ACTR3C: variants seen among roughly 807,000 people sequenced by gnomAD.
ACTR3C encodes actin related protein 3C.
A neutral mutation model predicts 26.3 loss-of-function variants in ACTR3C; 18 were observed. The observed-to-expected ratio is 0.68, with a 90% CI of 0.47 to 1.01. The LOEUF (loss-of-function observed/expected upper bound fraction) is 1.01, where lower values mean the gene tolerates loss of function less well. Ranked by LOEUF, ACTR3C falls within the 50% of genes least tolerant of loss-of-function variation. The pLI is 0.00. For missense variants in ACTR3C, 184 were observed against 250.7 expected (o/e 0.73, Z 1.80); for synonymous variants, 55 against 94.5 (o/e 0.58, Z 2.42).
At chr7:150,309,349 C>T (rs1796084858) in intron 1 of ACTR3C, among the ~76,000 whole-genome samples, 1 of 152,180 alleles carries the variant, frequency 6.6e-6, no homozygotes. Flanking sequence ...ATCTTATTCT[C>T]AATATGTGTT....
At chr7:150,192,477 T>C in the ACTR3C span, among the ~76,000 whole-genome samples, 1 of 152,060 alleles carries the variant, frequency 6.6e-6, no homozygotes, top group Admixed American at 6.6e-5. Context: ...AACTTAAAAA[T>C]TTTTCATAGA....
the ACTR3C span, among the ~76,000 whole-genome samples, chr7:150,119,137 C>A: frequency 6.6e-6 from 1 of 152,072 alleles, no homozygotes; most frequent in South Asian, 2.1e-4. Flanking sequence ...AAAAACATAC[C>A]AAAATGTAAA....
the ACTR3C span, among the ~76,000 whole-genome samples, chr7:149,963,517 G>GGCAGCC: frequency 6.6e-6 from 1 of 152,100 alleles, no homozygotes; most frequent in Non-Finnish European, 1.5e-5. Context: ...CCTGAGGATG[G>GGCAGCC]GCAGCCTATC....
chr7:150,137,006 A>G, the ACTR3C span, among the ~76,000 whole-genome samples: 1 of 152,188 alleles, frequency 6.6e-6, no homozygotes, highest in Non-Finnish European at 1.5e-5. Flanking sequence ...TCTCTTGCAC[A>G]TGCAGTTCAC....
chr7:150,201,142 C>T, the ACTR3C span, among the ~76,000 whole-genome samples: 1 of 152,184 alleles, frequency 6.6e-6, no homozygotes. Flanking sequence ...TAACAGTGAG[C>T]CTTCTATTTC....
the ACTR3C span, among the ~76,000 whole-genome samples, chr7:149,931,740 G>A: frequency 0.11 from 16,199 of 152,152 alleles, 913 homozygotes; most frequent in East Asian, 0.22. Context: ...TATTGTTCTG[G>A]GGGTGCCAAC....
chr7:150,023,898 G>A, the ACTR3C span, among the ~76,000 whole-genome samples: 4 of 121,780 alleles, frequency 3.3e-5, 1 homozygote, highest in Non-Finnish European at 7.2e-5. Context: ...CAGGGGCTGC[G>A]GAACAGGAGC....
the ACTR3C span, among the ~76,000 whole-genome samples, chr7:150,085,029 C>T: frequency 2.6e-5 from 4 of 152,062 alleles, no homozygotes; most frequent in Non-Finnish European, 5.9e-5. Context: ...GAATGACAAC[C>T]CCAGGGCTTG....
At chr7:149,909,999 T>C in the ACTR3C span, among the ~76,000 whole-genome samples, 8 of 145,446 alleles carry the variant, frequency 5.5e-5, no homozygotes, top group African/African-American at 1.8e-4. Context: ...AAAGTGCCTT[T>C]ACACTCTATC....
chr7:150,292,731 A>G (rs1213885509), intron 3 of ACTR3C, among the ~76,000 whole-genome samples: 1 of 152,216 alleles, frequency 6.6e-6, no homozygotes, highest in Non-Finnish European at 1.5e-5. Flanking sequence ...TCCCGACCTC[A>G]GGTGATCCGC....
chr7:150,218,509 G>A, the ACTR3C span, among the ~76,000 whole-genome samples: 1 of 150,942 alleles, frequency 6.6e-6, no homozygotes, highest in Non-Finnish European at 1.5e-5. Flanking sequence ...TTCATATTGC[G>A]GCTCTCCGTT....
At chr7:150,057,528 C>T in the ACTR3C span, among the ~76,000 whole-genome samples, 3 of 152,260 alleles carry the variant, frequency 2.0e-5, no homozygotes, top group East Asian at 1.9e-4. Context: ...TCAGATGATT[C>T]GCCCACCTTG....
At chr7:149,936,573 T>A in the ACTR3C span, among the ~76,000 whole-genome samples, 2 of 152,216 alleles carry the variant, frequency 1.3e-5, no homozygotes, top group Non-Finnish European at 2.9e-5. Flanking sequence ...TAAAACACTG[T>A]ACTGAATGGC....
chr7:150,027,146 G>A, the ACTR3C span, among the ~76,000 whole-genome samples: 4 of 152,108 alleles, frequency 2.6e-5, no homozygotes, highest in Admixed American at 1.3e-4. Flanking sequence ...CTGATACCTC[G>A]GTATGGGGCT....
chr7:150,165,989 A>G, the ACTR3C span, among the ~76,000 whole-genome samples: 1 of 151,746 alleles, frequency 6.6e-6, no homozygotes. Flanking sequence ...TTTGGTGTTG[A>G]AACTGTGAAA....
chr7:150,031,926 T>C, the ACTR3C span, among the ~76,000 whole-genome samples: 1 of 152,234 alleles, frequency 6.6e-6, no homozygotes, highest in Non-Finnish European at 1.5e-5. Flanking sequence ...GGCTGTATTG[T>C]TTTCACCCTG....
chr7:150,020,434 C>CCT, the ACTR3C span, among the ~76,000 whole-genome samples: 3 of 152,064 alleles, frequency 2.0e-5, no homozygotes, highest in African/African-American at 7.3e-5. Context: ...GAGCTGTATT[C>CCT]CTCATTAAGT....
chr7:150,279,890 TGAA>T (rs1004528459), intron 6 of ACTR3C, among the ~76,000 whole-genome samples: 16 of 152,230 alleles, frequency 1.1e-4, no homozygotes, highest in African/African-American at 3.9e-4. Flanking sequence ...TATAAGCTCT[TGAA>T]GACAAGAACC....
chr7:150,073,288 T>C, the ACTR3C span, among the ~76,000 whole-genome samples: 2 of 152,144 alleles, frequency 1.3e-5, no homozygotes, highest in South Asian at 4.1e-4. Flanking sequence ...TTTCAAACTA[T>C]GTACTATTAG....
Sources: allele counts gnomAD v4.1 joint callset (sites outside exome capture counted in the v4.1 genomes callset), GRCh38; gene constraint gnomAD v4.1.1; transcripts MANE v1.5; gene names NCBI Gene and HGNC (gene_info 2026-07-23, HGNC 2026-07-21).